Variants in PLEKHG3 observed in about 807,000 individuals in gnomAD.
PLEKHG3 encodes pleckstrin homology domain-containing family G member 3.
PLEKHG3 carries 62 observed loss-of-function variants against 94.9 expected under a neutral mutation model. The ratio of observed to expected loss-of-function variants is 0.65; its 90% confidence interval spans 0.53 to 0.81. The LOEUF is 0.81. Ranked by LOEUF, PLEKHG3 falls within the 30% of genes least tolerant of loss-of-function variation. PLEKHG3 has a pLI of 0.00. For missense variants in PLEKHG3, 1,461 were observed against 1,619.3 expected (o/e 0.90, Z 1.68); for synonymous variants, 614 against 654.0 (o/e 0.94, Z 0.93).
rs746148089 is a variant in PLEKHG3, at chr14:64,738,732, A to G, written c.1405-10A>G. On this transcript the variant is annotated splice_polypyrimidine_tract_variant and intron_variant, in intron 14 of 16. Transcript: ENST00000247226. The surrounding 1 kb of genome is among the most constrained non-coding windows in gnomAD (Gnocchi z 4.8). ...GTCTTGGAGTTGATGACTGACCTCT[A>G]CCTCTGCAGGGAAAGGGGCGCAGGG... 2.6e-6 allele frequency: 4 copies of G among 1,553,592 alleles called. No individual in the cohort carries two copies. Among genetic ancestry groups the G allele is most frequent in the African/African-American group, 1.4e-5 (1 of 73,520 alleles).
At position 64,716,512 on chromosome 14, in the gene PLEKHG3, C is replaced by CA. The variant is rs1459293365; in HGVS notation, c.-39-11080dup. ...CACACACACAACACACACACACACA[C>CA]ACACACACACACACACACACACACA... On this transcript the variant is annotated intron_variant, in intron 1 of 16. Coordinates refer to ENST00000247226, the MANE Select transcript of PLEKHG3 (RefSeq NM_001308147.2). The surrounding 1 kb of genome is among the most constrained non-coding windows in gnomAD (Gnocchi z 5.0). 4.9e-4 allele frequency among the ~76,000 whole-genome samples: 66 copies of CA among 133,536 alleles called. No individual in the cohort carries two copies. Among genetic ancestry groups the CA allele is most frequent in the African/African-American group, 1.8e-3 (63 of 34,854 alleles). The allele number at this position is 133,536 out of a possible 152,430, so 87.6% of individuals were successfully genotyped here.
chr14:64,726,514 GGCT>G lies in PLEKHG3; in HGVS notation c.-39-1076_-39-1074del, dbSNP rs1444559757. Among the ~76,000 whole-genome samples the G allele has an allele frequency of 6.6e-6, 1 of 152,300 alleles. No individual in the cohort carries two copies. The highest frequency in any genetic ancestry group is 2.4e-5 in the African/African-American group (1 of 41,542). ...CATGGGTGTCCCTGTCCTTCCCAAA[GGCT>G]GCAGCCTGAAGTAGTCTGGCCACTC... On this transcript the variant is annotated intron_variant, in intron 1 of 16. Coordinates refer to ENST00000247226, the MANE Select transcript of PLEKHG3 (RefSeq NM_001308147.2). This position sits in a 1 kb window ranked among gnomAD's most constrained non-coding sequence, Gnocchi z 5.1.
chr14:64,738,364 C>T lies in PLEKHG3; in HGVS notation c.1405-378C>T, dbSNP rs986838652. 6 of 427,330 alleles carry T rather than the reference C, an allele frequency of 1.4e-5. No homozygotes were observed. Among genetic ancestry groups the T allele is most frequent in the Admixed American group, 6.6e-5 (2 of 30,136 alleles). The allele number at this position is 427,330 out of a possible 1,614,324, so 26.5% of individuals were successfully genotyped here. On this transcript the variant is annotated intron_variant, in intron 14 of 16. Coordinates refer to ENST00000247226, the MANE Select transcript of PLEKHG3 (RefSeq NM_001308147.2). The surrounding 1 kb of genome is among the most constrained non-coding windows in gnomAD (Gnocchi z 4.8). Reference sequence around the variant, plus strand: ...CCCCTCAGCACTTAACACCATCGCTCGCTGTCACACCCTGGTGAGCCCCTG... The same window carrying T: ...CCCCTCAGCACTTAACACCATCGCTTGCTGTCACACCCTGGTGAGCCCCTG...
In PLEKHG3 at chr14:64,727,016, A is replaced by G. The variant is rs546677388; in HGVS notation, c.-39-577A>G. ...TGGGAAGTTCTTCTTCACAACTGCC[A>G]TTATTATCACCATATTGATGGTGTA... On this transcript the variant is annotated intron_variant, in intron 1 of 16. Coordinates refer to ENST00000247226, the MANE Select transcript of PLEKHG3 (RefSeq NM_001308147.2). The surrounding 1 kb of genome is among the most constrained non-coding windows in gnomAD (Gnocchi z 6.0). Among the ~76,000 whole-genome samples the G allele has an allele frequency of 2.6e-5, 4 of 152,304 alleles. No homozygotes were observed. The South Asian group carries it at 6.2e-4, about 24-fold the overall frequency.
chr14:64,708,046 G>A (rs1027528681), intron 1 of PLEKHG3, among the ~76,000 whole-genome samples: 12 of 152,234 alleles, frequency 7.9e-5, no homozygotes, highest in South Asian at 2.1e-4. Context: ...GACTGTAGGT[G>A]CAAAGCTTTT....
rs546769475 is a variant in PLEKHG3, at chr14:64,738,089, A to AGAG, written c.1405-637_1405-635dup. On this transcript the variant is annotated intron_variant, in intron 14 of 16. Coordinates refer to ENST00000247226, the MANE Select transcript of PLEKHG3 (RefSeq NM_001308147.2). The surrounding 1 kb of genome is among the most constrained non-coding windows in gnomAD (Gnocchi z 4.8). Reference sequence around the variant, plus strand: ...GGGCTGGGCCGGAGCCCCCAGGCTCAGAGGAGGAGGAGGAGGAGCAGGAGG... The same window carrying AGAG: ...GGGCTGGGCCGGAGCCCCCAGGCTCAGAGGAGGAGGAGGAGGAGGAGCAGGAGG... The AGAG allele has an allele frequency of 2.2e-3, 2,916 of 1,302,758 alleles. 40 individuals are homozygous for AGAG. In the African/African-American group the frequency reaches 0.037, roughly 16 times the overall value. The allele number at this position is 1,302,758 out of a possible 1,614,324, so 80.7% of individuals were successfully genotyped here.
chr14:64,741,756 A>T lies in PLEKHG3; in HGVS notation c.2239A>T (p.Lys747Ter). 1 of 1,613,200 alleles carries T rather than the reference A, an allele frequency of 6.2e-7. No homozygotes were observed. Among genetic ancestry groups the T allele is most frequent in the Non-Finnish European group, 8.5e-7 (1 of 1,180,010 alleles). ...CCGGGAGAGCCTCTCCTACATCCCCAAAGGACTGGTAAGAAACTCCATCTC... is the reference window on the plus strand; with the variant it reads ...CCGGGAGAGCCTCTCCTACATCCCCTAAGGACTGGTAAGAAACTCCATCTC... ...RRRESLSYIP[K>*]GLVRNSISRF... The change falls in exon 16 of 17, where the codon AAA becomes TAA. Residue 747 changes from lysine (K) to a stop codon, truncating the protein, a stop_gained. Coordinates refer to ENST00000247226, the MANE Select transcript of PLEKHG3 (RefSeq NM_001308147.2). LOFTEE classifies it high-confidence loss of function.
At position 64,750,182 on chromosome 14, in the gene PLEKHG3, C is replaced by G; in HGVS notation, c.*6479C>G. On this transcript the variant is annotated 3_prime_UTR_variant, in exon 17 of 17. Transcript: ENST00000247226. ...GCAAAGATGCAGACAGGCAGGTCACCCACATCCTGATATGGTATCTCTAGA... is the reference window on the plus strand; with the variant it reads ...GCAAAGATGCAGACAGGCAGGTCACGCACATCCTGATATGGTATCTCTAGA... The G allele has an allele frequency of 6.2e-7, 1 of 1,606,560 alleles. No homozygotes were observed. The highest frequency in any genetic ancestry group is 8.5e-7 in the Non-Finnish European group (1 of 1,174,158).
Position 64,731,119 on chromosome 14 carries a change from T to A in PLEKHG3, c.799T>A (p.Trp267Arg). 6 of 1,612,650 alleles carry A rather than the reference T, an allele frequency of 3.7e-6. No homozygotes were observed. The highest frequency in any genetic ancestry group is 5.1e-6 in the Non-Finnish European group (6 of 1,179,102). Residue 267 changes from tryptophan (W) to arginine (R), a missense_variant, in exon 7 of 17, where the codon TGG (tryptophan) becomes AGG (arginine). Transcript: ENST00000247226. This position sits in a 1 kb window ranked among gnomAD's most constrained non-coding sequence, Gnocchi z 6.1. Reference sequence around the variant, plus strand: ...CATTGACACCATGACCTGTGTGGCCTGGTACATCAACGACATGAAGAGGAG... The same window carrying A: ...CATTGACACCATGACCTGTGTGGCCAGGTACATCAACGACATGAAGAGGAG... ...DAIDTMTCVAWYINDMKRRHE... is the reference protein window; with the variant it reads ...DAIDTMTCVARYINDMKRRHE...
rs1566729697 is a variant in PLEKHG3, at chr14:64,749,497, G to C, written c.*5794G>C. ...TCCTGCGGGGCGGAGGGTCACGGTG[G>C]AGTCTGGAGGCCCACAGCCCCCCAC... On this transcript the variant is annotated 3_prime_UTR_variant, in exon 17 of 17. Transcript: ENST00000247226. This position sits in a 1 kb window ranked among gnomAD's most constrained non-coding sequence, Gnocchi z 4.7. The C allele has an allele frequency of 1.3e-6, 2 of 1,598,088 alleles. No homozygotes were observed. The highest frequency in any genetic ancestry group is 2.2e-5 in the East Asian group (1 of 44,794).
rs938175142 is a variant in PLEKHG3 at position 64,744,299 on chromosome 14, C to T, written c.*596C>T. On this transcript the variant is annotated 3_prime_UTR_variant, in exon 17 of 17. Coordinates refer to ENST00000247226, the MANE Select transcript of PLEKHG3 (RefSeq NM_001308147.2). ...CCTGTGGTTGTCGCTGATGTACACA[C>T]ATTTCATTATTTGCCAATGGTGCAA... is the stretch of plus-strand genomic sequence containing the variant. 4 of 152,700 alleles carry T rather than the reference C, an allele frequency of 2.6e-5. No individual in the cohort carries two copies. The highest frequency in any genetic ancestry group is 2.9e-5 in the Non-Finnish European group (2 of 68,104). 9.5% of individuals were successfully genotyped at this position (152,700 alleles called of 1,614,324 possible). A position where few individuals can be genotyped will look rare whatever the true frequency, so the allele number is the denominator to read the frequency against.
At position 64,741,550 on chromosome 14, in the gene PLEKHG3, A is replaced by G. The variant is rs1323619637; in HGVS notation, c.2033A>G (p.Glu678Gly). The part of the protein sequence containing the change: ...EVDISVGVAT[E>G]DSPSVNGMEP... Reference sequence around the variant, plus strand: ...GACATCAGTGTGGGGGTGGCCACAGAGGACAGCCCTTCTGTCAATGGGATG... The same window carrying G: ...GACATCAGTGTGGGGGTGGCCACAGGGGACAGCCCTTCTGTCAATGGGATG... The change falls in exon 16 of 17, where the codon GAG becomes GGG. Residue 678 changes from glutamate (E) to glycine (G), a missense_variant. By Grantham distance (98) the Glu-to-Gly change is moderately conservative. Around this residue, in one of 3 missense-constraint regions of PLEKHG3, gnomAD observed 1,201 missense variants for 1,295.5 expected, o/e 0.93. Coordinates refer to ENST00000247226, the MANE Select transcript of PLEKHG3 (RefSeq NM_001308147.2). The G allele has an allele frequency of 6.2e-7, 1 of 1,613,020 alleles. No individual in the cohort carries two copies. Among genetic ancestry groups the G allele is most frequent in the South Asian group, 1.1e-5 (1 of 91,082 alleles).
Position 64,747,119 on chromosome 14 carries a change from C to A in PLEKHG3, c.*3416C>A, listed in dbSNP as rs1018396320. The A allele has an allele frequency of 1.3e-5, 2 of 152,570 alleles. No individual in the cohort carries two copies. Among genetic ancestry groups the A allele is most frequent in the African/African-American group, 4.8e-5 (2 of 41,452 alleles). 9.5% of individuals were successfully genotyped at this position (152,570 alleles called of 1,614,324 possible). On this transcript the variant is annotated 3_prime_UTR_variant, in exon 17 of 17. Coordinates refer to ENST00000247226, the MANE Select transcript of PLEKHG3 (RefSeq NM_001308147.2). ...TGGGGTGGTGAGATGCTAGCTCTTC[C>A]ACTAGAGCCCTTCCTTTCTCGGGTC...
chr14:64,724,460 A>G (rs1019629193), intron 1 of PLEKHG3, among the ~76,000 whole-genome samples: 1 of 152,008 alleles, frequency 6.6e-6, no homozygotes, highest in African/African-American at 2.4e-5. Flanking sequence ...CTCGTCATCC[A>G]AGAAGTTTAT....
At position 64,731,203 on chromosome 14, in the gene PLEKHG3, G is replaced by A. The variant is rs2081455443; in HGVS notation, c.849+34G>A. On this transcript the variant is annotated intron_variant, in intron 7 of 16. Coordinates refer to ENST00000247226, the MANE Select transcript of PLEKHG3 (RefSeq NM_001308147.2). The surrounding 1 kb of genome is among the most constrained non-coding windows in gnomAD (Gnocchi z 6.1). ...GGGCTGGGACGCTGGGGGAGGGGCA[G>A]GGCTGGGTGGGCCAGGCTTCCGCTG... 2 of 1,567,500 alleles carry A rather than the reference G, an allele frequency of 1.3e-6. No homozygotes were observed. Among genetic ancestry groups the A allele is most frequent in the Non-Finnish European group, 1.7e-6 (2 of 1,144,270 alleles).
chr14:64,745,304 G>A lies in PLEKHG3; in HGVS notation c.*1601G>A, dbSNP rs943902971. 1 of 152,206 alleles carries A rather than the reference G, an allele frequency of 6.6e-6. No individual in the cohort carries two copies. Among genetic ancestry groups the A allele is most frequent in the East Asian group, 1.9e-4 (1 of 5,194 alleles). 9.4% of individuals were successfully genotyped at this position (152,206 alleles called of 1,614,324 possible). Reference sequence around the variant, plus strand: ...TTGCTTAATTTTTTTTCTAGCTGGGGCCTGGGAGGTAGAGGCTTCAGGGCC... The same window carrying A: ...TTGCTTAATTTTTTTTCTAGCTGGGACCTGGGAGGTAGAGGCTTCAGGGCC... On this transcript the variant is annotated 3_prime_UTR_variant, in exon 17 of 17. Transcript: ENST00000247226. The surrounding 1 kb of genome is among the most constrained non-coding windows in gnomAD (Gnocchi z 5.0).
At position 64,731,307 on chromosome 14, in the gene PLEKHG3, G is replaced by C; in HGVS notation, c.850-54G>C. On this transcript the variant is annotated intron_variant, in intron 7 of 16. Transcript: ENST00000247226. The surrounding 1 kb of genome is among the most constrained non-coding windows in gnomAD (Gnocchi z 6.1). ...GAGCCTTTGTGGCAGGGTTTGCAGA[G>C]CCTCCTAAGGCCCCAGTGGCCTGAC... 12 of 1,516,550 alleles carry C rather than the reference G, an allele frequency of 7.9e-6. No individual in the cohort carries two copies. In the South Asian group the frequency reaches 1.4e-4, roughly 17 times the overall value. 93.9% of individuals were successfully genotyped at this position (1,516,550 alleles called of 1,614,324 possible). A position where few individuals can be genotyped will look rare whatever the true frequency, so the allele number is the denominator to read the frequency against.
chr14:64,725,314 C>T lies in PLEKHG3; in HGVS notation c.-39-2279C>T, dbSNP rs2081331250. ...AGCTTCCCCAGAGAAGCTGACTGAC[C>T]CCAGATGTGATCTGGGAAAGGTCTT... On this transcript the variant is annotated intron_variant, in intron 1 of 16. Coordinates refer to ENST00000247226, the MANE Select transcript of PLEKHG3 (RefSeq NM_001308147.2). The surrounding 1 kb of genome is among the most constrained non-coding windows in gnomAD (Gnocchi z 5.0). Among the ~76,000 whole-genome samples the T allele has an allele frequency of 6.6e-6, 1 of 151,848 alleles. No individual in the cohort carries two copies. The highest frequency in any genetic ancestry group is 1.9e-4 in the East Asian group (1 of 5,176).
rs924106897 is a variant in PLEKHG3 at position 64,718,036 on chromosome 14, C to T, written c.-39-9557C>T. Among the ~76,000 whole-genome samples the T allele has an allele frequency of 5.3e-5, 8 of 152,180 alleles. No homozygotes were observed. The highest frequency in any genetic ancestry group is 7.3e-5 in the Non-Finnish European group (5 of 68,034). Reference sequence around the variant, plus strand: ...GGCGTGGGGGTGGTCTGGGTCCTCTCGGGACTCAGCTGCTCTCTTGGCAGC... The same window carrying T: ...GGCGTGGGGGTGGTCTGGGTCCTCTTGGGACTCAGCTGCTCTCTTGGCAGC... On this transcript the variant is annotated intron_variant, in intron 1 of 16. Coordinates refer to ENST00000247226, the MANE Select transcript of PLEKHG3 (RefSeq NM_001308147.2). This position sits in a 1 kb window ranked among gnomAD's most constrained non-coding sequence, Gnocchi z 5.0.
Sources: gnomAD v4.1 joint callset for allele counts (sites outside exome capture counted in the v4.1 genomes callset) on GRCh38, gnomAD v4.1.1 for gene constraint, gnomAD v4.1.1 regional missense constraint, Gnocchi (gnomAD v3.1) non-coding constraint, MANE v1.5 for transcripts, NCBI Gene and HGNC (gene_info 2026-07-23, HGNC 2026-07-21) for gene names.